The following RAVER2 variants were observed in gnomAD, a reference collection of about 807,000 sequenced individuals.
RAVER2 encodes ribonucleoprotein PTB-binding 2.
RAVER2 carries 46 observed loss-of-function variants against 78.1 expected under a neutral mutation model. The observed-to-expected ratio is 0.59, with a 90% confidence interval of 0.46 to 0.75. RAVER2 has a LOEUF of 0.75. Among genes scored for constraint, RAVER2 ranks in the 30% least tolerant of loss-of-function variants. The pLI is 0.00. For missense variants in RAVER2, 793 were observed against 837.5 expected, an observed-to-expected ratio of 0.95 and a Z score of 0.66; for synonymous variants, 311 against 313.3, an observed-to-expected ratio of 0.99 and a Z score of 0.08.
At chr1:64,812,746 T>G in exon 10 of RAVER2, 1 of 1,610,488 alleles carries the variant, frequency 6.2e-7, no homozygotes, top group Non-Finnish European at 8.5e-7. Flanking sequence ...AGGCTGCCTC[T>G]AAGAATCAAA....
intron 11 of RAVER2, among the ~76,000 whole-genome samples, chr1:64,819,398 A>T (rs982474665): frequency 2.6e-5 from 4 of 152,156 alleles, no homozygotes; most frequent in Non-Finnish European, 4.4e-5. Flanking sequence ...AGAAAAAAAA[A>T]GGTTCGGTTA....
chr1:64,774,437 C>T (rs1215628046), intron 2 of RAVER2, among the ~76,000 whole-genome samples: 1 of 152,162 alleles, frequency 6.6e-6, no homozygotes, highest in Non-Finnish European at 1.5e-5. Context: ...ATAGGGAATC[C>T]TTTCCCCATC....
At chr1:64,793,710 A>G (rs1653010503) in intron 5 of RAVER2, among the ~76,000 whole-genome samples, 1 of 152,136 alleles carries the variant, frequency 6.6e-6, no homozygotes, top group African/African-American at 2.4e-5. Flanking sequence ...CTTTTTGTCC[A>G]TTTGTAATCC....
intron 9 of RAVER2, among the ~76,000 whole-genome samples, chr1:64,812,445 GAT>G (rs975605971): frequency 6.6e-6 from 1 of 151,284 alleles, no homozygotes; most frequent in Non-Finnish European, 1.5e-5. Context: ...CTGGAAAAGA[GAT>G]ATGGAATTTG....
chr1:64,786,875 T>G (rs1266483814), intron 4 of RAVER2, among the ~76,000 whole-genome samples: 1 of 152,224 alleles, frequency 6.6e-6, no homozygotes, highest in Non-Finnish European at 1.5e-5. Flanking sequence ...AGGGTAAATG[T>G]TAATAATAAT....
intron 3 of RAVER2, 76 bp downstream of exon 3, chr1:64,778,168 T>A: frequency 9.5e-7 from 1 of 1,056,666 alleles, no homozygotes; most frequent in Non-Finnish European, 1.3e-6. Context: ...ACTCACAAAT[T>A]TATCATACCT....
chr1:64,795,450 T>A (rs536300636), intron 5 of RAVER2, among the ~76,000 whole-genome samples: 10 of 152,266 alleles, frequency 6.6e-5, no homozygotes, highest in African/African-American at 2.2e-4. Context: ...GTATGGTATA[T>A]CTTTTCAATT....
intron 9 of RAVER2, among the ~76,000 whole-genome samples, chr1:64,810,937 AC>A (rs1326981679): frequency 6.6e-6 from 1 of 152,050 alleles, no homozygotes; most frequent in Non-Finnish European, 1.5e-5. Context: ...TCACAAATGA[AC>A]CCCATAGCCT....
chr1:64,774,462 G>C (rs1051293260), intron 2 of RAVER2, among the ~76,000 whole-genome samples: 1 of 152,114 alleles, frequency 6.6e-6, no homozygotes, highest in Non-Finnish European at 1.5e-5. Flanking sequence ...GTTTTGGCAG[G>C]TTTGTCAAAG....
chr1:64,770,929 T>C (rs1652298750), intron 2 of RAVER2, among the ~76,000 whole-genome samples: 1 of 151,844 alleles, frequency 6.6e-6, no homozygotes, highest in Non-Finnish European at 1.5e-5. Context: ...GAACAGAGTA[T>C]CAGTGAACTG....
At chr1:64,810,816 G>A (rs1653582803) in intron 9 of RAVER2, among the ~76,000 whole-genome samples, 2 of 152,136 alleles carry the variant, frequency 1.3e-5, no homozygotes, top group South Asian at 4.1e-4. Flanking sequence ...TCTACATACA[G>A]TTGACCCTAG....
At chr1:64,749,427 TCTC>T in intron 1 of RAVER2, among the ~76,000 whole-genome samples, 1 of 152,242 alleles carries the variant, frequency 6.6e-6, no homozygotes, top group Admixed American at 6.5e-5. Flanking sequence ...GCCAGGCTGC[TCTC>T]GAATGCCTGA....
chr1:64,767,658 T>C (rs1260562945), intron 1 of RAVER2, among the ~76,000 whole-genome samples: 1 of 152,042 alleles, frequency 6.6e-6, no homozygotes, highest in Non-Finnish European at 1.5e-5. Flanking sequence ...GTCTAGTTCC[T>C]TTGAATATAT....
rs1652525757 is a variant in RAVER2 at position 64,778,148 on chromosome 1, A to G, written c.786+56A>G. On this transcript the variant is annotated intron_variant, in intron 3 of 11. Coordinates refer to ENST00000294428, the Ensembl canonical transcript of RAVER2. The stretch of plus-strand genomic sequence containing the variant: ...TTTAAAATATATACATATGTATCTA[A>G]TCTACATACACTCACAAATTTATCA... 4.9e-6 allele frequency: 6 copies of G among 1,228,710 alleles called. No individual in the cohort carries two copies. The Admixed American group carries it at 1.2e-4, about 24-fold the overall frequency. 76.1% of individuals were successfully genotyped at this position (1,228,710 alleles called of 1,614,324 possible). A position where few individuals can be genotyped will look rare whatever the true frequency, so the allele number is the denominator to read the frequency against.
intron 2 of RAVER2, among the ~76,000 whole-genome samples, chr1:64,776,066 A>G (rs1050885037): frequency 1.3e-5 from 2 of 151,722 alleles, no homozygotes; most frequent in African/African-American, 4.8e-5. Flanking sequence ...GGGAATGATT[A>G]ACAGGTTCAA....
chr1:64,820,620 GTTC>G (rs1425986464), intron 11 of RAVER2, among the ~76,000 whole-genome samples: 1 of 152,168 alleles, frequency 6.6e-6, no homozygotes, highest in Admixed American at 6.5e-5. Flanking sequence ...GTGTTCATAA[GTTC>G]TTGTCATTTA....
chr1:64,805,043 G>A, exon 8 of RAVER2: 1 of 1,613,966 alleles, frequency 6.2e-7, no homozygotes, highest in South Asian at 1.1e-5. Context: ...ACTGCACTAG[G>A]GATAGGGTCA....
At chr1:64,783,441 A>G (rs1024509599) in intron 4 of RAVER2, among the ~76,000 whole-genome samples, 1 of 152,182 alleles carries the variant, frequency 6.6e-6, no homozygotes, top group African/African-American at 2.4e-5. Context: ...GTGTGAAATG[A>G]TATCTCACTG....
At chr1:64,786,452 T>C (rs982042787) in intron 4 of RAVER2, among the ~76,000 whole-genome samples, 3 of 152,250 alleles carry the variant, frequency 2.0e-5, no homozygotes, top group Non-Finnish European at 4.4e-5. Context: ...ACCCTGCTTT[T>C]TCTTGTTTGT....
Sources: gnomAD v4.1 joint callset for allele counts (sites outside exome capture counted in the v4.1 genomes callset) on GRCh38, gnomAD v4.1.1 for gene constraint, MANE v1.5 for transcripts, NCBI Gene and HGNC (gene_info 2026-07-23, HGNC 2026-07-21) for gene names.